Variants in HAX1 observed in about 807,000 individuals in gnomAD.
The protein encoded by HAX1 is HCLS1 associated protein X-1, also known as HCLS1-associated protein X-1.
In HAX1, 27 loss-of-function variants were observed where a neutral mutation model predicts 31.1. The observed-to-expected ratio is 0.87, with a 90% CI of 0.64 to 1.20. The LOEUF (loss-of-function observed/expected upper bound fraction) is 1.20. HAX1 is among the 50% of genes most tolerant of loss of function. HAX1 has a pLI of 0.00. For synonymous variants in HAX1, 114 were observed against 124.1 expected, an observed-to-expected ratio of 0.92 and a Z score of 0.54; for missense variants, 357 against 361.6, an observed-to-expected ratio of 0.99 and a Z score of 0.10.
chr1:154,273,133 T>C, intron 1 of HAX1: 1 of 601,906 alleles, frequency 1.7e-6, no homozygotes, highest in Non-Finnish European at 2.9e-6. Context: ...AGCTGCGAGC[T>C]GAGGTCTGAC....
chr1:154,273,687 G>C, intron 2 of HAX1, 87 bp from the exon 3 acceptor site: 1 of 1,590,010 alleles, frequency 6.3e-7, no homozygotes, highest in Non-Finnish European at 8.6e-7. Context: ...TGGGGGATGG[G>C]AAGTGTGAGA....
chr1:154,272,846 T>C, intron 1 of HAX1, 70 bp downstream of exon 1: 1 of 1,378,248 alleles, frequency 7.3e-7, no homozygotes, highest in South Asian at 1.2e-5. Context: ...CGTCTTATTT[T>C]TGGAAAAACA....
chr1:154,274,869 C>T, intron 3 of HAX1, 81 bp from the exon 4 acceptor site: 2 of 960,096 alleles, frequency 2.1e-6, no homozygotes, highest in Non-Finnish European at 3.4e-6. Context: ...GGTTTTGGAG[C>T]TCGGGAGTAG....
At chr1:154,274,073 C>G in intron 3 of HAX1, 112 bp downstream of exon 3, 1 of 951,506 alleles carries the variant, frequency 1.1e-6, no homozygotes, top group Non-Finnish European at 1.7e-6. Context: ...TTTGGGAGGC[C>G]GAGGTGGGCA....
At chr1:154,275,355 A>G in intron 5 of HAX1, 38 bp from the exon 6 acceptor site, 4 of 1,591,014 alleles carry the variant, frequency 2.5e-6, no homozygotes, top group Non-Finnish European at 3.5e-6. Context: ...CATAACCTTT[A>G]GTAACATTCG....
chr1:154,274,137 G>A (rs1382083808), intron 3 of HAX1, among the ~76,000 whole-genome samples, 176 bp downstream of exon 3: 4 of 152,038 alleles, frequency 2.6e-5, no homozygotes, highest in Admixed American at 1.3e-4. Flanking sequence ...GTGAAACCCC[G>A]TGTCTACTAA....
rs578021129 is a variant in HAX1, at chr1:154,275,792, G to A, written c.*91G>A. On this transcript the variant is annotated 3_prime_UTR_variant, in exon 7 of 7. Transcript: ENST00000328703. Reference sequence around the variant, plus strand: ...CTTAGCTTCTCTTGCCACCTCAGGGGCTTGGATATGTGGAATAGTGAACTG... The same window carrying A: ...CTTAGCTTCTCTTGCCACCTCAGGGACTTGGATATGTGGAATAGTGAACTG... The A allele has an allele frequency of 5.9e-6, 5 of 846,218 alleles. No homozygotes were observed. Among genetic ancestry groups the A allele is most frequent in the Non-Finnish European group, 1.0e-5 (5 of 496,762 alleles). The allele number at this position is 846,218 out of a possible 1,614,324, so 52.4% of individuals were successfully genotyped here. A position where few individuals can be genotyped will look rare whatever the true frequency, so the allele number is the denominator to read the frequency against.
intron 1 of HAX1, 167 bp from the exon 2 acceptor site, chr1:154,273,169 A>G (rs956506250): frequency 5.7e-6 from 4 of 700,820 alleles, no homozygotes; most frequent in African/African-American, 3.6e-5. Context: ...AAAAAAAAAA[A>G]AAGAACTGTC....
At chr1:154,273,001 C>G (rs1393876935) in intron 1 of HAX1, 11 of 618,462 alleles carry the variant, frequency 1.8e-5, no homozygotes, top group Non-Finnish European at 3.2e-5. Flanking sequence ...GCAACAGGGA[C>G]CCGGGCGGGG....
At chr1:154,274,664 G>A (rs1193040741) in intron 3 of HAX1, among the ~76,000 whole-genome samples, 2 of 152,090 alleles carry the variant, frequency 1.3e-5, no homozygotes, top group Non-Finnish European at 2.9e-5. Flanking sequence ...GGAGATGGGT[G>A]TTCTGTTTCT....
At chr1:154,273,128 C>A in intron 1 of HAX1, 1 of 587,878 alleles carries the variant, frequency 1.7e-6, no homozygotes, top group Non-Finnish European at 2.9e-6. Context: ...AAGGGAGCTG[C>A]GAGCTGAGGT....
rs267598054 is a variant in HAX1 at position 154,273,957 on chromosome 1, A to G, written c.500A>G (p.His167Arg). 6.2e-7 allele frequency: 1 copy of G among 1,613,332 alleles called. No individual in the cohort carries two copies. Residue 167 changes from histidine (H) to arginine (R), a missense_variant, in exon 3 of 7, where the codon CAT becomes CGT. Transcript: ENST00000328703. The part of the protein sequence containing the change: ...APDWGSQRPF[H>R]RFDDVWPMDP... ...GACTGGGGCTCCCAGAGGCCATTTC[A>G]TAGGGTGAGTATCCCATCTGGTCCT...
chr1:154,272,765 T>G lies in HAX1; in HGVS notation c.42T>G (p.Pro14=), dbSNP rs1684816702. ...FDLFRGFFGF[P]GPRSHRDPFF... is the part of the protein sequence containing the mutation. ...TCTTCCGGGGCTTTTTCGGCTTTCC[T>G]GGACCTCGGAGGTGAGAGTAGGTCC... The change falls in exon 1 of 7, where the codon CCT becomes CCG. Residue 14 remains proline, a synonymous_variant. Transcript: ENST00000328703. The G allele has an allele frequency of 1.9e-6, 3 of 1,614,012 alleles. No individual in the cohort carries two copies. The highest frequency in any genetic ancestry group is 2.7e-5 in the African/African-American group (2 of 74,934).
chr1:154,275,548 C>T (rs1276810340), intron 6 of HAX1, 65 bp downstream of exon 6: 1 of 1,574,254 alleles, frequency 6.4e-7, no homozygotes, highest in Non-Finnish European at 8.7e-7. Flanking sequence ...TACTCTTCTA[C>T]CCTTGTCCTT....
Position 154,275,260 on chromosome 1 carries a change from G to A in HAX1, c.663G>A (p.Gly221=), listed in dbSNP as rs1684907943. 1.2e-6 allele frequency: 2 copies of A among 1,604,254 alleles called. No individual in the cohort carries two copies. The highest frequency in any genetic ancestry group is 2.2e-5 in the South Asian group (2 of 90,896). Residue 221 remains glycine (G), a splice_region_variant and synonymous_variant, in exon 5 of 7, where the codon GGG becomes GGA. Coordinates refer to ENST00000328703, the MANE Select transcript of HAX1 (RefSeq NM_006118.4). ...ISVTKITKPD[G]IVEERRTVVD... ...TGACCAAGATCACTAAACCAGATGG[G>A]GTGAGTTGAAAGAAAGAGGTAAAGG...
intron 4 of HAX1, 46 bp downstream of exon 4, chr1:154,275,047 C>A: frequency 6.5e-7 from 1 of 1,529,580 alleles, no homozygotes; most frequent in Non-Finnish European, 9.1e-7. Context: ...TGTTATTCTT[C>A]TGAAGTTCTG....
At position 154,275,658 on chromosome 1, in the gene HAX1, C is replaced by G; in HGVS notation, c.797C>G (p.Ser266Cys). The change falls in exon 7 of 7, where the codon TCC (serine) becomes TGC (cysteine). Residue 266 changes from serine to cysteine, a missense_variant. Transcript: ENST00000328703. The part of the protein sequence containing the change: ...PRPPALDDAF[S>C]ILDLFLGRWF... ...CCTCCAGCCCTGGATGATGCCTTTT[C>G]CATCCTGGACTTATTCCTGGGACGT... 1.2e-6 allele frequency: 2 copies of G among 1,614,032 alleles called. No homozygotes were observed. Among genetic ancestry groups the G allele is most frequent in the Non-Finnish European group, 1.7e-6 (2 of 1,179,920 alleles).
In HAX1 at chr1:154,273,471, C is replaced by A. The variant is rs1406386492; in HGVS notation, c.189C>A (p.Phe63Leu). The A allele has an allele frequency of 1.2e-6, 2 of 1,614,122 alleles. No individual in the cohort carries two copies. Among genetic ancestry groups the A allele is most frequent in the East Asian group, 2.2e-5 (1 of 44,880 alleles). Reference protein sequence around the residue: ...SPQHPPEEFGFGFSFSPGGGI... With the variant: ...SPQHPPEEFGLGFSFSPGGGI... Reference sequence around the variant, plus strand: ...AGCACCCCCCTGAGGAATTTGGCTTCGGCTTCAGCTTCAGCCCAGGAGGAG... The same window carrying A: ...AGCACCCCCCTGAGGAATTTGGCTTAGGCTTCAGCTTCAGCCCAGGAGGAG... The change falls in exon 2 of 7, where the codon TTC becomes TTA. Residue 63 changes from phenylalanine (F) to leucine (L), a missense_variant. Coordinates refer to ENST00000328703, the MANE Select transcript of HAX1 (RefSeq NM_006118.4).
chr1:154,273,309 T>G, intron 1 of HAX1, 27 bp from the exon 2 acceptor site: 1 of 1,613,558 alleles, frequency 6.2e-7, no homozygotes, highest in Non-Finnish European at 8.5e-7. Flanking sequence ...GCTGAAATAT[T>G]GGTGGCCAAT....
Sources: allele counts gnomAD v4.1 joint callset (sites outside exome capture counted in the v4.1 genomes callset), GRCh38; gene constraint gnomAD v4.1.1; transcripts MANE v1.5; gene names NCBI Gene and HGNC (gene_info 2026-07-23, HGNC 2026-07-21).